DCC: variants seen among roughly 807,000 people sequenced by gnomAD.
DCC encodes the protein DCC netrin 1 receptor, also known as netrin receptor DCC.
Under a neutral mutation model 172.5 loss-of-function variants are expected in DCC, and 58 were observed. That is an observed-to-expected ratio of 0.34 (90% CI 0.27 to 0.42). The LOEUF (loss-of-function observed/expected upper bound fraction) is 0.42. Among genes scored for constraint, DCC ranks in the 10% least tolerant of loss-of-function variants. The probability of loss-of-function intolerance (pLI) is 1.00; values close to 1 mark genes in which losing one functional copy is unlikely to be tolerated. For missense variants in DCC, 1,740 were observed against 1,791.0 expected, an observed-to-expected ratio of 0.97 and a Z score of 0.51; for synonymous variants, 709 against 644.5, an observed-to-expected ratio of 1.10 and a Z score of -1.52.
chr18:52,669,362 T>C (rs571733029), intron 1 of DCC, among the ~76,000 whole-genome samples: 2 of 152,330 alleles, frequency 1.3e-5, no homozygotes, highest in Admixed American at 6.5e-5. Context: ...TTGTGGCTAA[T>C]TTGTTATTCC....
At chr18:52,895,787 T>G (rs1412367660) in intron 2 of DCC, among the ~76,000 whole-genome samples, 2 of 152,082 alleles carry the variant, frequency 1.3e-5, no homozygotes, top group African/African-American at 2.4e-5. Context: ...GTTAAATTGG[T>G]TTTTTTGTTT....
At chr18:52,667,621 T>G (rs2035478805) in intron 1 of DCC, among the ~76,000 whole-genome samples, 1 of 152,144 alleles carries the variant, frequency 6.6e-6, no homozygotes, top group Non-Finnish European at 1.5e-5. Flanking sequence ...ATCTACTAAT[T>G]TATGCACTGC....
intron 1 of DCC, among the ~76,000 whole-genome samples, chr18:52,591,787 C>CTTTTTT (rs370150482): frequency 8.0e-6 from 1 of 125,140 alleles, no homozygotes; most frequent in Non-Finnish European, 1.7e-5. Flanking sequence ...TTATTTATTT[C>CTTTTTT]TTTTTTTTTT....
At chr18:52,552,271 G>A (rs1269819427) in intron 1 of DCC, among the ~76,000 whole-genome samples, 2 of 152,098 alleles carry the variant, frequency 1.3e-5, no homozygotes, top group East Asian at 3.9e-4. Flanking sequence ...AGAAAGCATA[G>A]GCCATTCGAA....
intron 14 of DCC, among the ~76,000 whole-genome samples, chr18:53,323,803 G>A (rs574116232): frequency 8.5e-5 from 13 of 152,218 alleles, no homozygotes; most frequent in African/African-American, 3.1e-4. Context: ...AAATACATTG[G>A]CGATTGAGGG....
chr18:53,028,158 G>C (rs1004870795), intron 5 of DCC, among the ~76,000 whole-genome samples: 1 of 152,056 alleles, frequency 6.6e-6, no homozygotes, highest in African/African-American at 2.4e-5. Context: ...ACATGGGCAC[G>C]TTCAACTCAG....
intron 3 of DCC, among the ~76,000 whole-genome samples, chr18:52,914,229 A>T (rs1483386387): frequency 6.6e-6 from 1 of 151,820 alleles, no homozygotes; most frequent in Non-Finnish European, 1.5e-5. Context: ...AATAAAAAAA[A>T]ATCACTTCCT....
At chr18:52,964,471 A>T (rs182340418) in intron 5 of DCC, among the ~76,000 whole-genome samples, 23 of 151,980 alleles carry the variant, frequency 1.5e-4, no homozygotes, top group Admixed American at 7.2e-4. Context: ...TTTAATCTCA[A>T]TTTTTTTTAA....
rs545745790 is a variant in DCC at position 52,870,402 on chromosome 18, G to A, written c.413-35642G>A. Among the ~76,000 whole-genome samples, 40 of 152,272 alleles carry A rather than the reference G, an allele frequency of 2.6e-4. No individual in the cohort carries two copies. In the South Asian group the frequency reaches 7.3e-3, roughly 28 times the overall value. ...CACAGCAGCTGGAGCGATGGCAGCC[G>A]CTGCTCTGGATTGCCCACCACTGCC... is the stretch of plus-strand genomic sequence containing the variant. On this transcript the variant is annotated intron_variant, in intron 2 of 28. Coordinates refer to ENST00000442544, the MANE Select transcript of DCC (RefSeq NM_005215.4).
chr18:52,999,039 A>G (rs980000230), intron 5 of DCC, among the ~76,000 whole-genome samples: 2 of 152,096 alleles, frequency 1.3e-5, no homozygotes, highest in African/African-American at 2.4e-5. Context: ...ACTCAGCTGT[A>G]TTTGGGGCTA....
intron 12 of DCC, among the ~76,000 whole-genome samples, chr18:53,238,278 C>G (rs1055225922): frequency 6.6e-6 from 1 of 152,000 alleles, no homozygotes; most frequent in African/African-American, 2.4e-5. Flanking sequence ...AATCATGACT[C>G]CTAGAATTAT....
At chr18:53,477,905 C>G (rs923780407) in intron 25 of DCC, among the ~76,000 whole-genome samples, 4 of 152,136 alleles carry the variant, frequency 2.6e-5, no homozygotes, top group Non-Finnish European at 4.4e-5. Flanking sequence ...GTTACCCTTA[C>G]CATAAAATGG....
At chr18:52,647,980 A>T (rs976541848) in intron 1 of DCC, among the ~76,000 whole-genome samples, 3 of 152,232 alleles carry the variant, frequency 2.0e-5, no homozygotes, top group Admixed American at 6.5e-5. Context: ...GATGCAAAAG[A>T]TTCTAAAAAA....
chr18:52,974,599 C>G (rs2041085593), intron 5 of DCC, among the ~76,000 whole-genome samples: 1 of 152,166 alleles, frequency 6.6e-6, no homozygotes, highest in Admixed American at 6.5e-5. Flanking sequence ...CAGGGAGGCT[C>G]TGAGAATATA....
intron 15 of DCC, among the ~76,000 whole-genome samples, chr18:53,370,108 T>G (rs2058045061): frequency 6.6e-6 from 1 of 151,866 alleles, no homozygotes; most frequent in Non-Finnish European, 1.5e-5. Context: ...GTTGGGGAAT[T>G]TTTGATTAGT....
intron 12 of DCC, among the ~76,000 whole-genome samples, chr18:53,262,934 T>G (rs2056623021): frequency 1.3e-5 from 2 of 152,224 alleles, no homozygotes; most frequent in African/African-American, 2.4e-5. Flanking sequence ...TTAGTGATTT[T>G]GTAAACAACT....
intron 12 of DCC, among the ~76,000 whole-genome samples, chr18:53,292,114 C>CA (rs199912413): frequency 1.1e-3 from 11 of 10,188 alleles, no homozygotes; most frequent in African/African-American, 1.4e-3. Flanking sequence ...TTGAGCTCCA[C>CA]CCCCCCCCCC....
intron 1 of DCC, among the ~76,000 whole-genome samples, chr18:52,511,762 A>C (rs919836218): frequency 2.6e-5 from 4 of 152,264 alleles, no homozygotes; most frequent in African/African-American, 7.2e-5. Flanking sequence ...TGAAGCTCAC[A>C]GATATTAAAC....
At chr18:53,424,515 G>A (rs906427417) in intron 21 of DCC, among the ~76,000 whole-genome samples, 1 of 152,168 alleles carries the variant, frequency 6.6e-6, no homozygotes, top group South Asian at 2.1e-4. Flanking sequence ...AGATGGTACT[G>A]TCTACATGTG....
Sources: allele counts gnomAD v4.1 joint callset (sites outside exome capture counted in the v4.1 genomes callset), GRCh38; gene constraint gnomAD v4.1.1; transcripts MANE v1.5; gene names NCBI Gene and HGNC (gene_info 2026-07-23, HGNC 2026-07-21).